Variants in SLC38A1 observed in about 807,000 individuals in gnomAD.
SLC38A1 encodes sodium-coupled neutral amino acid symporter 1.
A neutral mutation model predicts 60.3 loss-of-function variants in SLC38A1; 18 were observed. The ratio of observed to expected loss-of-function variants is 0.30; its 90% CI spans 0.21 to 0.44. The LOEUF is 0.44. SLC38A1 is among the 20% of genes least tolerant of loss of function. SLC38A1 has a pLI of 1.00. For missense variants in SLC38A1, 448 were observed against 587.2 expected (o/e 0.76, Z 2.45); for synonymous variants, 196 against 212.1 (o/e 0.92, Z 0.66).
chr12:46,224,425 G>C (rs1214297357), intron 5 of SLC38A1, among the ~76,000 whole-genome samples: 1 of 151,990 alleles, frequency 6.6e-6, no homozygotes, highest in Admixed American at 6.5e-5. Context: ...ATTATGGATA[G>C]GTTAAAAAAA....
At chr12:46,237,968 A>G (rs189310175) in intron 3 of SLC38A1, among the ~76,000 whole-genome samples, 3 of 151,980 alleles carry the variant, frequency 2.0e-5, no homozygotes, top group Non-Finnish European at 4.4e-5. Context: ...ATGCCCAAGC[A>G]TTATAACCAG....
At position 46,187,844 on chromosome 12, in the gene SLC38A1, G is replaced by A. The variant is rs1938991789; in HGVS notation, c.*1126C>T. On this transcript the variant is annotated 3_prime_UTR_variant, in exon 17 of 17. Coordinates refer to ENST00000398637, the MANE Select transcript of SLC38A1 (RefSeq NM_030674.4). ...ATTAATGAAGAAGAAATAGAAATGA[G>A]GCTTATTTAAGGTACAAAATTCTTG... is the stretch of plus-strand genomic sequence containing the variant. The A allele has an allele frequency of 6.7e-6, 1 of 149,688 alleles. No homozygotes were observed. The highest frequency in any genetic ancestry group is 1.5e-5 in the Non-Finnish European group (1 of 67,708). The allele number at this position is 149,688 out of a possible 1,614,324, so 9.3% of individuals were successfully genotyped here.
chr12:46,196,098 T>G, intron 16 of SLC38A1: 1 of 1,520,404 alleles, frequency 6.6e-7, no homozygotes, highest in South Asian at 1.2e-5. Flanking sequence ...CAACCTCAGG[T>G]ATTTCTTTAT....
At chr12:46,212,721 T>C (rs182557790) in intron 5 of SLC38A1, among the ~76,000 whole-genome samples, 1 of 152,284 alleles carries the variant, frequency 6.6e-6, no homozygotes, top group Admixed American at 6.5e-5. Flanking sequence ...AGAGAGAACC[T>C]AGTCCAGCAC....
At chr12:46,208,089 C>T (rs1220400015) in intron 6 of SLC38A1, among the ~76,000 whole-genome samples, 2 of 152,198 alleles carry the variant, frequency 1.3e-5, no homozygotes, top group Non-Finnish European at 2.9e-5. Context: ...AATGCCTCCA[C>T]GTTCTAAATG....
chr12:46,209,755 A>G (rs1441281606), intron 5 of SLC38A1, among the ~76,000 whole-genome samples: 1 of 152,214 alleles, frequency 6.6e-6, no homozygotes, highest in African/African-American at 2.4e-5. Context: ...ACAATCAAGT[A>G]TAATGAAAAG....
rs143810110 is a variant in SLC38A1 at position 46,262,377 on chromosome 12, T to TAAA, written c.-209+6146_-209+6148dup. ...AGGAGGACAGACTGTATATTACATT[T>TAAA]AAAAAAAAAACACCAAAAGAATTGA... On this transcript the variant is annotated intron_variant, in intron 1 of 16. Transcript: ENST00000398637. Among the ~76,000 whole-genome samples the TAAA allele has an allele frequency of 5.3e-3, 789 of 148,716 alleles. 51 individuals carry two copies. The East Asian group carries it at 0.13, about 25-fold the overall frequency.
chr12:46,216,099 C>T (rs79684494), intron 5 of SLC38A1, among the ~76,000 whole-genome samples: 2,537 of 152,268 alleles, frequency 0.017, 59 homozygotes, highest in African/African-American at 0.057. Context: ...CCTCTTCTAC[C>T]TCTTACTTCT....
At chr12:46,246,557 T>C (rs150490531) in intron 1 of SLC38A1, among the ~76,000 whole-genome samples, 1 of 152,344 alleles carries the variant, frequency 6.6e-6, no homozygotes, top group African/African-American at 2.4e-5. Flanking sequence ...GCTGTCTCTA[T>C]AGACCCCACC....
chr12:46,210,538 G>T (rs1293097030), intron 5 of SLC38A1, among the ~76,000 whole-genome samples: 1 of 152,010 alleles, frequency 6.6e-6, no homozygotes, highest in Non-Finnish European at 1.5e-5. Flanking sequence ...GAGGCTGATT[G>T]ATATGGTTTG....
chr12:46,236,584 C>T (rs964850021), intron 3 of SLC38A1, among the ~76,000 whole-genome samples: 1 of 152,170 alleles, frequency 6.6e-6, no homozygotes. Flanking sequence ...CTCTCTCTCT[C>T]AGTCAACACA....
At position 46,239,830 on chromosome 12, in the gene SLC38A1, A is replaced by T. The variant is rs748293452; in HGVS notation, c.-30T>A. On this transcript the variant is annotated 5_prime_UTR_variant, in exon 3 of 17. Coordinates refer to ENST00000398637, the MANE Select transcript of SLC38A1 (RefSeq NM_030674.4). The stretch of plus-strand genomic sequence containing the variant: ...AGAAAGTGTCTGTAGTTTGAAAATT[A>T]GTCCAAATTTCTCCTGTTCTGAGTG... The T allele has an allele frequency of 2.2e-5, 36 of 1,610,220 alleles. No homozygotes were observed. Among genetic ancestry groups the T allele is most frequent in the Non-Finnish European group, 3.0e-5 (35 of 1,179,186 alleles).
chr12:46,200,710 C>T (rs1241144753), intron 13 of SLC38A1, among the ~76,000 whole-genome samples: 1 of 152,146 alleles, frequency 6.6e-6, no homozygotes, highest in Non-Finnish European at 1.5e-5. Flanking sequence ...GAGTGTAGCA[C>T]TCTGCTCTTT....
chr12:46,212,912 T>C (rs76468506), intron 5 of SLC38A1, among the ~76,000 whole-genome samples: 76 of 152,342 alleles, frequency 5.0e-4, no homozygotes, highest in African/African-American at 1.7e-3. Flanking sequence ...TGGGTCCTCA[T>C]TTTACCTTCT....
At chr12:46,222,907 T>C (rs1940714171) in intron 5 of SLC38A1, among the ~76,000 whole-genome samples, 2 of 152,160 alleles carry the variant, frequency 1.3e-5, no homozygotes, top group Non-Finnish European at 2.9e-5. Flanking sequence ...ACACTTGATA[T>C]TGCCAAGCTG....
intron 5 of SLC38A1, among the ~76,000 whole-genome samples, chr12:46,227,257 G>A (rs1161155463): frequency 1.3e-5 from 2 of 152,030 alleles, no homozygotes; most frequent in Admixed American, 1.3e-4. Flanking sequence ...CAGAAATAAA[G>A]GTCTCAAAAA....
intron 16 of SLC38A1, among the ~76,000 whole-genome samples, chr12:46,190,158 A>C (rs145209079): frequency 0.011 from 1,632 of 151,656 alleles, 14 homozygotes; most frequent in Non-Finnish European, 0.017. Context: ...TCATTGTTCA[A>C]CTCCCACCTA....
Position 46,221,713 on chromosome 12 carries a change from G to A in SLC38A1, c.314+7440C>T, listed in dbSNP as rs193177763. ...AGCGGGAGGAAGATGATTTCAACAA[G>A]GAAGAATTTGGCATTAATCCTGCCC... On this transcript the variant is annotated intron_variant, in intron 5 of 16. Transcript: ENST00000398637. 2.9e-3 allele frequency among the ~76,000 whole-genome samples: 445 copies of A among 152,306 alleles called. 4 individuals are homozygous for A. The highest frequency in any genetic ancestry group is 0.01 in the African/African-American group (419 of 41,564).
chr12:46,200,308 T>C (rs1376516463), intron 13 of SLC38A1, among the ~76,000 whole-genome samples: 1 of 152,072 alleles, frequency 6.6e-6, no homozygotes, highest in Non-Finnish European at 1.5e-5. Flanking sequence ...TTGAGACATT[T>C]GTGTTTATGA....
Sources: gnomAD v4.1 joint callset for allele counts (sites outside exome capture counted in the v4.1 genomes callset) on GRCh38, gnomAD v4.1.1 for gene constraint, MANE v1.5 for transcripts, NCBI Gene and HGNC (gene_info 2026-07-23, HGNC 2026-07-21) for gene names.